The following CHD1L variants were observed in gnomAD, a reference collection of about 807,000 sequenced individuals.
CHD1L encodes the protein ATP-dependent chromatin remodeler CHD1L.
A neutral mutation model predicts 115.9 loss-of-function variants in CHD1L; 118 were observed. The observed-to-expected ratio is 1.02, with a 90% CI of 0.88 to 1.19. The LOEUF is 1.19. CHD1L is among the 50% of genes most tolerant of loss of function. The pLI, the probability that CHD1L is intolerant of heterozygous loss-of-function variation, is 0.00. For missense variants in CHD1L, 1,179 were observed against 1,065.3 expected (o/e 1.11, Z -1.49); for synonymous variants, 411 against 387.1 (o/e 1.06, Z -0.72).
At chr1:147,188,522 C>CAAAAAA in the CHD1L span, among the ~76,000 whole-genome samples, 14 of 61,220 alleles carry the variant, frequency 2.3e-4, no homozygotes, top group African/African-American at 3.8e-4. Context: ...GACCCCATAT[C>CAAAAAA]AAAAAAAAAA....
At chr1:147,265,511 A>G (rs977920174) in intron 7 of CHD1L, among the ~76,000 whole-genome samples, 12 of 152,222 alleles carry the variant, frequency 7.9e-5, no homozygotes, top group Admixed American at 1.3e-4. Flanking sequence ...CAAAGAGCCA[A>G]ATTTGAATGC....
At chr1:147,187,960 A>G in the CHD1L span, among the ~76,000 whole-genome samples, 1 of 152,206 alleles carries the variant, frequency 6.6e-6, no homozygotes, top group Non-Finnish European at 1.5e-5. Flanking sequence ...AGGAAGAGAA[A>G]AGCCAAGTCA....
the CHD1L span, among the ~76,000 whole-genome samples, chr1:147,189,126 G>T: frequency 0.037 from 5,607 of 151,956 alleles, 153 homozygotes; most frequent in South Asian, 0.095. Flanking sequence ...ATACAAAAAT[G>T]AGCTGGGTTT....
chr1:147,186,990 A>T, the CHD1L span: 1 of 1,614,200 alleles, frequency 6.2e-7, no homozygotes, highest in Non-Finnish European at 8.5e-7. Flanking sequence ...TACTCCTTTC[A>T]ACTACTCTTG....
At chr1:147,283,626 T>C (rs587707854) in intron 15 of CHD1L, among the ~76,000 whole-genome samples, 1 of 152,352 alleles carries the variant, frequency 6.6e-6, no homozygotes, top group East Asian at 1.9e-4. Flanking sequence ...TCTGACAGCA[T>C]GAAGTGCTAT....
At chr1:147,207,740 G>A in the CHD1L span, among the ~76,000 whole-genome samples, 1,786 of 152,272 alleles carry the variant, frequency 0.012, 14 homozygotes, top group African/African-American at 0.021. Flanking sequence ...ATACCTCTGA[G>A]ATTTCCAGTT....
chr1:147,185,344 A>G, the CHD1L span, among the ~76,000 whole-genome samples: 2 of 152,286 alleles, frequency 1.3e-5, no homozygotes, highest in East Asian at 1.9e-4. Context: ...AGAGAAATTT[A>G]TATGTTAAAA....
chr1:147,209,436 T>TAAAAA, the CHD1L span, among the ~76,000 whole-genome samples: 2 of 9,872 alleles, frequency 2.0e-4, no homozygotes, highest in Admixed American at 7.7e-4. Flanking sequence ...AGACTCCGTC[T>TAAAAA]CAAAAAAAAA....
At chr1:147,178,128 C>T in the CHD1L span, 2 of 1,599,068 alleles carry the variant, frequency 1.3e-6, no homozygotes, top group Non-Finnish European at 1.7e-6. Flanking sequence ...GCCTCCGCCG[C>T]CCAGCGCTGT....
chr1:147,267,862 T>A (rs1301802527), intron 9 of CHD1L, among the ~76,000 whole-genome samples: 2 of 152,120 alleles, frequency 1.3e-5, no homozygotes, highest in African/African-American at 4.8e-5. Flanking sequence ...GACCAGTGGT[T>A]TTGTGGAATG....
At position 147,265,957 on chromosome 1, in the gene CHD1L, G is replaced by A. The variant is rs782009015; in HGVS notation, c.765G>A (p.Gln255=). 13 of 1,612,548 alleles carry A rather than the reference G, an allele frequency of 8.1e-6. No individual in the cohort carries two copies. The African/African-American group carries it at 1.7e-4, about 22-fold the overall frequency. ...CAAGTGAACTGCACAAACTCTTGCA[G>A]CCATTTCTGCTGAGGCGAGTGAAAG... is the stretch of plus-strand genomic sequence containing the variant. ...ESASELHKLL[Q]PFLLRRVKAE... The change falls in exon 8 of 23, where the codon CAG becomes CAA. Residue 255 remains glutamine (Q), a synonymous_variant. Coordinates refer to ENST00000369258, the MANE Select transcript of CHD1L (RefSeq NM_004284.6).
At chr1:147,291,382 C>A in intron 19 of CHD1L, 100 bp from the exon 20 acceptor site, 1 of 990,108 alleles carries the variant, frequency 1.0e-6, no homozygotes, top group South Asian at 1.3e-5. Context: ...GAAGGTGGGT[C>A]CTGAAACCCA....
chr1:147,219,591 C>G, the CHD1L span, among the ~76,000 whole-genome samples: 1 of 152,012 alleles, frequency 6.6e-6, no homozygotes, highest in East Asian at 1.9e-4. Flanking sequence ...GATGTCCTCT[C>G]TCACCACTCC....
chr1:147,294,404 A>G lies in CHD1L; in HGVS notation c.2507-5A>G. 6.2e-7 allele frequency: 1 copy of G among 1,606,510 alleles called. No individual in the cohort carries two copies. Among genetic ancestry groups the G allele is most frequent in the Non-Finnish European group, 8.5e-7 (1 of 1,175,868 alleles). On this transcript the variant is annotated splice_polypyrimidine_tract_variant and splice_region_variant and intron_variant, in intron 21 of 22. Transcript: ENST00000369258. The stretch of plus-strand genomic sequence containing the variant: ...TGAAGACATGTGTTCTTCTCTTCAT[A>G]ATAGCAAGTGTTCATCTTCCACGTA...
upstream of CHD1L, among the ~76,000 whole-genome samples, chr1:147,239,033 TC>T (rs1425215297): frequency 6.6e-6 from 1 of 152,168 alleles, no homozygotes. Flanking sequence ...TATCCGCAGT[TC>T]CCAGGAATTC....
chr1:147,232,590 A>G, the CHD1L span, among the ~76,000 whole-genome samples: 1 of 147,158 alleles, frequency 6.8e-6, no homozygotes, highest in Non-Finnish European at 1.5e-5. Flanking sequence ...GCTCACTGCA[A>G]CCTCCCTGCC....
chr1:147,189,709 G>A, the CHD1L span, among the ~76,000 whole-genome samples: 7 of 152,156 alleles, frequency 4.6e-5, no homozygotes, highest in Non-Finnish European at 1.0e-4. Context: ...TTCATACCAT[G>A]AGCCACTGTG....
At chr1:147,228,951 CGG>C in the CHD1L span, among the ~76,000 whole-genome samples, 1 of 151,254 alleles carries the variant, frequency 6.6e-6, no homozygotes, top group African/African-American at 2.4e-5. Context: ...TTCTCCCATT[CGG>C]TAGGTTGCCT....
chr1:147,231,079 GTTCTT>G, the CHD1L span, among the ~76,000 whole-genome samples: 1 of 152,054 alleles, frequency 6.6e-6, no homozygotes, highest in Non-Finnish European at 1.5e-5. Flanking sequence ...TGCTTCTCTA[GTTCTT>G]TTAATTGTGA....
Sources: allele counts gnomAD v4.1 joint callset (sites outside exome capture counted in the v4.1 genomes callset), GRCh38; gene constraint gnomAD v4.1.1; transcripts MANE v1.5; gene names NCBI Gene and HGNC (gene_info 2026-07-23, HGNC 2026-07-21).